FRMPD4: variants seen among roughly 807,000 people sequenced by gnomAD.
FRMPD4 encodes FERM and PDZ domain-containing protein 4.
FRMPD4 carries 22 observed loss-of-function variants against 94.1 expected under a neutral mutation model. The observed-to-expected ratio is 0.23, with a 90% CI of 0.17 to 0.33. FRMPD4 has a LOEUF of 0.33. FRMPD4 is among the 10% of genes least tolerant of loss of function. The pLI is 1.00. For missense variants in FRMPD4, 1,111 were observed against 1,339.9 expected, an observed-to-expected ratio of 0.83 and a Z score of 2.67; for synonymous variants, 631 against 548.6, an observed-to-expected ratio of 1.15 and a Z score of -2.10.
intron 5 of FRMPD4, among the ~76,000 whole-genome samples, chrX:12,682,709 A>T (rs144088239): frequency 1.9e-4 from 21 of 112,249 alleles, no homozygotes; most frequent in African/African-American, 6.5e-4. Context: ...CCAGTATCAC[A>T]GCACCCTTCT....
At chrX:12,629,077 T>C (rs907094901) in intron 4 of FRMPD4, among the ~76,000 whole-genome samples, 8 of 112,117 alleles carry the variant, frequency 7.1e-5, no homozygotes, top group Non-Finnish European at 1.3e-4. Context: ...CATGATTCAA[T>C]TATTTTCCAG....
chrX:12,372,710 T>A (rs2056179979), intron 1 of FRMPD4, among the ~76,000 whole-genome samples: 1 of 112,789 alleles, frequency 8.9e-6, no homozygotes, highest in Non-Finnish European at 1.9e-5. Flanking sequence ...ACATTGGGCC[T>A]CCAGGTTAAT....
chrX:11,835,376 C>A (rs1299194392), intron 1 of FRMPD4, among the ~76,000 whole-genome samples: 1 of 112,213 alleles, frequency 8.9e-6, no homozygotes, highest in Non-Finnish European at 1.9e-5. Context: ...ATCAGGCTTT[C>A]TCTCCCTCCT....
chrX:12,320,694 T>C (rs2055195850), intron 1 of FRMPD4, among the ~76,000 whole-genome samples: 1 of 111,704 alleles, frequency 9.0e-6, no homozygotes. Context: ...ATAATCAGCA[T>C]ATGCTTTCTT....
rs1244941794 is a variant in FRMPD4 at position 12,156,224 on chromosome X, T to C, written c.41+17212T>C. Among the ~76,000 whole-genome samples, 4 of 111,653 alleles carry C rather than the reference T, an allele frequency of 3.6e-5. No homozygotes were observed. In the East Asian group the frequency reaches 1.1e-3, roughly 31 times the overall value. On this transcript the variant is annotated intron_variant, in intron 1 of 16. Coordinates refer to ENST00000675598, the MANE Select transcript of FRMPD4 (RefSeq NM_001368397.1). ...GTTGTCCCTCTCAAAATAGTAGTGG[T>C]CCCTCATTGACAAACACTGGATGCT...
At chrX:12,286,250 T>C (rs1031290544) in intron 1 of FRMPD4, among the ~76,000 whole-genome samples, 2 of 110,257 alleles carry the variant, frequency 1.8e-5, no homozygotes, top group African/African-American at 6.8e-5. Flanking sequence ...ATTTGCATTT[T>C]AGAAGAATCC....
At chrX:12,310,760 T>C (rs964546488) in intron 1 of FRMPD4, among the ~76,000 whole-genome samples, 7 of 112,071 alleles carry the variant, frequency 6.2e-5, no homozygotes, top group Non-Finnish European at 1.9e-5. Context: ...ATCAGAAATC[T>C]TTATCTGCTC....
intron 3 of FRMPD4, among the ~76,000 whole-genome samples, chrX:12,106,929 A>G (rs1202248357): frequency 8.9e-6 from 1 of 112,126 alleles, no homozygotes; most frequent in African/African-American, 3.2e-5. Flanking sequence ...ACCCCACCGC[A>G]GCTCAAGGAG....
intron 2 of FRMPD4, among the ~76,000 whole-genome samples, chrX:12,556,111 A>T (rs1349337726): frequency 9.1e-6 from 1 of 110,348 alleles, no homozygotes; most frequent in Non-Finnish European, 1.9e-5. Context: ...TGTGGTGGGT[A>T]GAATTCTGAG....
chrX:12,534,590 T>C (rs1179359738), intron 2 of FRMPD4, among the ~76,000 whole-genome samples: 3 of 112,577 alleles, frequency 2.7e-5, no homozygotes, highest in Non-Finnish European at 5.6e-5. Context: ...ACCTACCTCT[T>C]ACATCAGCAT....
intron 1 of FRMPD4, among the ~76,000 whole-genome samples, chrX:12,266,578 T>C (rs1454267939): frequency 1.8e-5 from 2 of 111,974 alleles, no homozygotes; most frequent in African/African-American, 6.5e-5. Flanking sequence ...AAGTTCAGAA[T>C]CAAGGGGTGG....
In FRMPD4 at chrX:12,356,770, A is replaced by G. The variant is rs1277383688; in HGVS notation, c.42-141910A>G. Among the ~76,000 whole-genome samples the G allele has an allele frequency of 5.3e-5, 6 of 112,271 alleles. No individual in the cohort carries two copies. In the Admixed American group the frequency reaches 5.7e-4, roughly 11 times the overall value. On this transcript the variant is annotated intron_variant, in intron 1 of 16. Coordinates refer to ENST00000675598, the MANE Select transcript of FRMPD4 (RefSeq NM_001368397.1). The stretch of plus-strand genomic sequence containing the variant: ...ATGCCATTGTGCTATTAAAAAAAGC[A>G]TAGCCACAGTTTGCTGGTGGCTACT...
chrX:12,331,708 T>A (rs867197886), intron 1 of FRMPD4, among the ~76,000 whole-genome samples: 5 of 40,774 alleles, frequency 1.2e-4, no homozygotes, highest in Non-Finnish European at 2.4e-4. Context: ...AAATATATAA[T>A]ATATAATTTA....
intron 1 of FRMPD4, among the ~76,000 whole-genome samples, chrX:12,400,615 G>T (rs776373525): frequency 8.9e-6 from 1 of 112,051 alleles, no homozygotes; most frequent in Non-Finnish European, 1.9e-5. Context: ...TTTCGACCTA[G>T]GATGGATGCC....
At chrX:12,399,306 T>C (rs2056582282) in intron 1 of FRMPD4, among the ~76,000 whole-genome samples, 1 of 111,646 alleles carries the variant, frequency 9.0e-6, no homozygotes. Context: ...TAGATGTAGA[T>C]GGATGTAGAT....
At chrX:12,522,056 C>G (rs1200692358) in intron 2 of FRMPD4, among the ~76,000 whole-genome samples, 1 of 107,440 alleles carries the variant, frequency 9.3e-6, no homozygotes, top group Non-Finnish European at 1.9e-5. Flanking sequence ...GATTTTAGTT[C>G]AAATACCTTT....
intron 1 of FRMPD4, among the ~76,000 whole-genome samples, chrX:12,412,314 T>C (rs950596691): frequency 8.9e-6 from 1 of 112,190 alleles, no homozygotes; most frequent in African/African-American, 3.2e-5. Flanking sequence ...ACAAAACAAA[T>C]GCTCCATACA....
At chrX:11,856,715 G>A (rs922826710) in intron 1 of FRMPD4, among the ~76,000 whole-genome samples, 5 of 111,900 alleles carry the variant, frequency 4.5e-5, no homozygotes, top group African/African-American at 1.6e-4. Context: ...TGGACAATCA[G>A]GCAAGAGAAA....
chrX:12,231,043 TATATAAA>T (rs1399577159), intron 1 of FRMPD4, among the ~76,000 whole-genome samples: 1 of 63,753 alleles, frequency 1.6e-5, no homozygotes, highest in Non-Finnish European at 2.7e-5. Flanking sequence ...TATATATATA[TATATAAA>T]ATATATATAT....
Sources: allele counts gnomAD v4.1 joint callset (sites outside exome capture counted in the v4.1 genomes callset), GRCh38; gene constraint gnomAD v4.1.1; transcripts MANE v1.5; gene names NCBI Gene and HGNC (gene_info 2026-07-23, HGNC 2026-07-21).